The following NLRC5 variants were observed in gnomAD, a reference collection of about 807,000 sequenced individuals.
NLRC5 encodes NLR family CARD domain containing 5.
In NLRC5, 114 loss-of-function variants were observed where a neutral mutation model predicts 206.9. The observed-to-expected ratio is 0.55, with a 90% CI of 0.47 to 0.64. The LOEUF is 0.64. Ranked by LOEUF, NLRC5 falls within the 30% of genes least tolerant of loss-of-function variation. The probability of loss-of-function intolerance (pLI) is 0.00; values close to 1 mark genes in which losing one functional copy is unlikely to be tolerated. For synonymous variants in NLRC5, 952 were observed against 962.8 expected (o/e 0.99, Z 0.21); for missense variants, 2,008 against 2,305.5 (o/e 0.87, Z 2.64).
chr16:57,017,431 A>G (rs1567533923), intron 2 of NLRC5, among the ~76,000 whole-genome samples: 1 of 152,220 alleles, frequency 6.6e-6, no homozygotes, highest in African/African-American at 2.4e-5. Context: ...TGAGGCTTAT[A>G]TAGGAAAAAG....
chr16:57,043,944 C>T, intron 20 of NLRC5: 1 of 322,184 alleles, frequency 3.1e-6, no homozygotes, highest in South Asian at 3.2e-5. Flanking sequence ...TACATGTGCA[C>T]AACATACAGG....
intron 32 of NLRC5, 195 bp downstream of exon 32, chr16:57,061,896 C>T: frequency 6.5e-7 from 1 of 1,534,416 alleles, no homozygotes; most frequent in Non-Finnish European, 8.7e-7. Flanking sequence ...TGTCCTTCCC[C>T]ACACTGGAGG....
At chr16:57,075,896 G>A (rs1282823700) in intron 39 of NLRC5, 1 of 152,762 alleles carries the variant, frequency 6.5e-6, no homozygotes, top group Non-Finnish European at 1.5e-5. Flanking sequence ...ATCCATTAAA[G>A]TGTATTTATT....
intron 37 of NLRC5, 88 bp downstream of exon 37, chr16:57,070,007 C>A: frequency 9.5e-7 from 1 of 1,050,970 alleles, no homozygotes. Flanking sequence ...GGAGGGCAGG[C>A]AATGAGACTT....
At chr16:56,991,492 C>T (rs1436411885) in intron 1 of NLRC5, among the ~76,000 whole-genome samples, 6 of 150,614 alleles carry the variant, frequency 4.0e-5, no homozygotes, top group African/African-American at 1.5e-4. Flanking sequence ...AGCGATTCTC[C>T]TGCCTCAGCC....
At chr16:57,067,711 C>T in intron 35 of NLRC5, 25 bp from the exon 36 acceptor site, 1 of 1,607,314 alleles carries the variant, frequency 6.2e-7, no homozygotes, top group Non-Finnish European at 8.5e-7. Flanking sequence ...CTGAAATCCT[C>T]TAGAATATCC....
intron 23 of NLRC5, among the ~76,000 whole-genome samples, chr16:57,050,720 T>C (rs1019034750): frequency 6.6e-6 from 1 of 152,140 alleles, no homozygotes; most frequent in Non-Finnish European, 1.5e-5. Flanking sequence ...ATCTGAACAA[T>C]GATGAGCTGG....
intron 2 of NLRC5, 64 bp from the exon 3 acceptor site, chr16:57,020,637 C>T (rs1465413641): frequency 8.2e-6 from 9 of 1,092,368 alleles, no homozygotes; most frequent in Admixed American, 6.6e-5. Flanking sequence ...TCCCCTGTCC[C>T]TCAGCTCATC....
At chr16:57,021,144 C>A in intron 3 of NLRC5, 137 bp downstream of exon 3, 1 of 751,350 alleles carries the variant, frequency 1.3e-6, no homozygotes, top group Non-Finnish European at 2.1e-6. Flanking sequence ...TTTCTGGACA[C>A]TTCCCAGAAC....
intron 1 of NLRC5, chr16:56,991,083 C>T (rs2056769695): frequency 6.6e-6 from 1 of 152,146 alleles, no homozygotes; most frequent in Non-Finnish European, 1.5e-5. Flanking sequence ...CAAATCTATC[C>T]TACAAAGTGT....
chr16:57,055,133 G>T, intron 26 of NLRC5, 39 bp downstream of exon 26: 1 of 1,609,308 alleles, frequency 6.2e-7, no homozygotes, highest in Non-Finnish European at 8.5e-7. Context: ...GCTAGTTGAT[G>T]TTGGGGACCA....
chr16:57,043,823 A>G (rs1008576024), intron 20 of NLRC5: 15 of 591,194 alleles, frequency 2.5e-5, no homozygotes, highest in African/African-American at 1.3e-4. Context: ...AATTTCTCCA[A>G]ATTCACCATT....
chr16:57,025,109 A>G (rs142534294), intron 5 of NLRC5, among the ~76,000 whole-genome samples: 6 of 152,326 alleles, frequency 3.9e-5, no homozygotes, highest in Non-Finnish European at 5.9e-5. Flanking sequence ...CAGAATGGAT[A>G]GAACCGTGAC....
intron 37 of NLRC5, 76 bp from the exon 38 acceptor site, chr16:57,070,459 G>C: frequency 7.7e-7 from 1 of 1,297,810 alleles, no homozygotes; most frequent in Non-Finnish European, 1.1e-6. Flanking sequence ...GAGCAGGAGA[G>C]GGGAGCTGAC....
intron 1 of NLRC5, among the ~76,000 whole-genome samples, chr16:57,007,972 A>G (rs1204321588): frequency 6.6e-6 from 1 of 152,178 alleles, no homozygotes; most frequent in Non-Finnish European, 1.5e-5. Context: ...TTCTTTGACA[A>G]TACAAAAATT....
Position 57,059,436 on chromosome 16 carries a change from A to G in NLRC5, c.3921-31A>G, listed in dbSNP as rs188992755. On this transcript the variant is annotated intron_variant, in intron 29 of 48. Transcript: ENST00000688547. ...GCCTAGGAAGCTGGCATGTCTGGGC[A>G]CCGTGCTTCCCCAGGCCCTTCTCTC... The G allele has an allele frequency of 6.9e-6, 11 of 1,585,802 alleles. No homozygotes were observed. In the Admixed American group the frequency reaches 1.4e-4, roughly 21 times the overall value.
chr16:57,047,761 C>T, intron 23 of NLRC5, 133 bp downstream of exon 23: 1 of 749,584 alleles, frequency 1.3e-6, no homozygotes, highest in Non-Finnish European at 2.3e-6. Context: ...CATGAGAGTC[C>T]CCTGGCCTTT....
In NLRC5 at chr16:57,038,957, A is replaced by G. The variant is rs78904506; in HGVS notation, c.2802-824A>G. Among the ~76,000 whole-genome samples, 220 of 151,754 alleles carry G rather than the reference A, an allele frequency of 1.4e-3. 1 individual carries two copies. The highest frequency in any genetic ancestry group is 3.4e-3 in the Middle Eastern group (1 of 294). On this transcript the variant is annotated intron_variant, in intron 15 of 48. Coordinates refer to ENST00000688547, the MANE Select transcript of NLRC5 (RefSeq NM_001384950.1). The stretch of plus-strand genomic sequence containing the variant: ...CTCAAATTAAAAAAAAAAAAAAAAA[A>G]AGAGAGAGCATGGTATATATAATCT...
At chr16:57,039,678 C>A in intron 15 of NLRC5, 103 bp from the exon 16 acceptor site, 1 of 1,041,668 alleles carries the variant, frequency 9.6e-7, no homozygotes, top group South Asian at 1.4e-5. Context: ...GATTGCACCA[C>A]TGCACACCAG....
Sources: allele counts gnomAD v4.1 joint callset (sites outside exome capture counted in the v4.1 genomes callset), GRCh38; gene constraint gnomAD v4.1.1; transcripts MANE v1.5; gene names NCBI Gene and HGNC (gene_info 2026-07-23, HGNC 2026-07-21).